Variants in LDHAL6A observed in about 807,000 individuals in gnomAD.
LDHAL6A encodes L-lactate dehydrogenase A-like 6A.
LDHAL6A carries 19 observed loss-of-function variants against 28.2 expected under a neutral mutation model. The observed-to-expected ratio is 0.67, with a 90% CI of 0.47 to 0.99. The LOEUF (loss-of-function observed/expected upper bound fraction) is 0.99. Ranked by LOEUF, LDHAL6A falls within the 50% of genes least tolerant of loss-of-function variation. The pLI, the probability that LDHAL6A is intolerant of heterozygous loss-of-function variation, is 0.00. For synonymous variants in LDHAL6A, 144 were observed against 134.4 expected, an observed-to-expected ratio of 1.07 and a Z score of -0.49; for missense variants, 372 against 398.6, an observed-to-expected ratio of 0.93 and a Z score of 0.57.
At chr11:18,464,977 G>GTTTTTTGTTTTTTTTTTTTTTT (rs1849015131) in intron 2 of LDHAL6A, among the ~76,000 whole-genome samples, 1 of 125,490 alleles carries the variant, frequency 8.0e-6, no homozygotes, top group Non-Finnish European at 1.6e-5. Context: ...TGTTTTTTTT[G>GTTTTTTGTTTTTTTTTTTTTTT]TTTTTTTTTG....
At chr11:18,466,963 A>G (rs1849089867) in intron 3 of LDHAL6A, among the ~76,000 whole-genome samples, 1 of 152,168 alleles carries the variant, frequency 6.6e-6, no homozygotes, top group African/African-American at 2.4e-5. Context: ...AACTGAAGGG[A>G]TGGTAGTTCC....
chr11:18,456,764 T>C lies in LDHAL6A; in HGVS notation c.84T>C (p.Thr28=). The C allele has an allele frequency of 6.2e-7, 1 of 1,614,044 alleles. No individual in the cohort carries two copies. The highest frequency in any genetic ancestry group is 8.5e-7 in the Non-Finnish European group (1 of 1,179,978). Residue 28 remains threonine (T), a synonymous_variant, in exon 1 of 7, where the codon ACT becomes ACC. Coordinates refer to ENST00000280706, the MANE Select transcript of LDHAL6A (RefSeq NM_144972.5). ...ACAATAAGATCTCCATTGTAGGAACTGGATCGGTTGGTGTGGCTTGTGCTA... is the reference window on the plus strand; with the variant it reads ...ACAATAAGATCTCCATTGTAGGAACCGGATCGGTTGGTGTGGCTTGTGCTA... The part of the protein sequence containing the change: ...IHHNKISIVG[T]GSVGVACAIS...
chr11:18,472,369 A>G (rs1401561574), intron 3 of LDHAL6A, among the ~76,000 whole-genome samples: 1 of 152,206 alleles, frequency 6.6e-6, no homozygotes, highest in Non-Finnish European at 1.5e-5. Context: ...TTTCAGTATC[A>G]CTTTTTACCA....
chr11:18,476,603 CA>C lies in LDHAL6A; in HGVS notation c.710+103del. 2.7e-6 allele frequency: 4 copies of C among 1,485,218 alleles called. No individual in the cohort carries two copies. The East Asian group carries it at 9.5e-5, about 35-fold the overall frequency. The allele number at this position is 1,485,218 out of a possible 1,614,324, so 92.0% of individuals were successfully genotyped here. The stretch of plus-strand genomic sequence containing the variant: ...CTTAAATATATGTTGTTGTATTTCC[CA>C]TATTTTTATTTGCACTTCTGCTTTT... On this transcript the variant is annotated intron_variant, in intron 5 of 6. Transcript: ENST00000280706.
At chr11:18,464,177 A>G in intron 2 of LDHAL6A, 99 bp downstream of exon 2, 1 of 816,812 alleles carries the variant, frequency 1.2e-6, no homozygotes, top group Admixed American at 2.0e-5. Flanking sequence ...GTTTTTATAG[A>G]TAAGGCTGGT....
Position 18,475,634 on chromosome 11 carries a change from C to T in LDHAL6A, c.587C>T (p.Ser196Leu), listed in dbSNP as rs762981632. Residue 196 changes from serine to leucine, a missense_variant, in exon 4 of 7, where the codon TCA (serine) becomes TTA (leucine). Coordinates refer to ENST00000280706, the MANE Select transcript of LDHAL6A (RefSeq NM_144972.5). Reference protein sequence around the residue: ...HGLILGEHGDSSVPVWSGVNI... With the variant: ...HGLILGEHGDLSVPVWSGVNI... The stretch of plus-strand genomic sequence containing the variant: ...CTGATCCTTGGAGAGCATGGCGACT[C>T]AAGTGGTAAGCCTGAGGCACGATTG... 5 of 1,612,334 alleles carry T rather than the reference C, an allele frequency of 3.1e-6. No individual in the cohort carries two copies. The South Asian group carries it at 4.4e-5, about 14-fold the overall frequency.
chr11:18,456,968 G>A (rs568690769), intron 1 of LDHAL6A, among the ~76,000 whole-genome samples, 162 bp downstream of exon 1: 23 of 152,196 alleles, frequency 1.5e-4, no homozygotes, highest in Admixed American at 1.0e-3. Flanking sequence ...CCCAGAGGGC[G>A]CTCCTTTTTA....
intron 3 of LDHAL6A, among the ~76,000 whole-genome samples, chr11:18,474,766 G>C (rs148344445): frequency 0.014 from 2,105 of 152,140 alleles, 62 homozygotes; most frequent in African/African-American, 0.048. Context: ...TGAGAGGCTG[G>C]GGCAGGAGGA....
chr11:18,469,729 C>A (rs1849212034), intron 3 of LDHAL6A, among the ~76,000 whole-genome samples: 1 of 152,098 alleles, frequency 6.6e-6, no homozygotes, highest in African/African-American at 2.4e-5. Context: ...AAGTCTTCTC[C>A]ATTATTTTAG....
rs757025046 is a variant in LDHAL6A, at chr11:18,475,455, TTTC to T, written c.419-5_419-3del. On this transcript the variant is annotated splice_polypyrimidine_tract_variant and splice_region_variant and intron_variant, in intron 3 of 6. Transcript: ENST00000280706. ...TGAGGACATTTCTTGATATGAACTTTTTCTTCTTAGTGGATATCTTAACTTATG... is the reference window on the plus strand; with the variant it reads ...TGAGGACATTTCTTGATATGAACTTTTTCTTAGTGGATATCTTAACTTATG... The T allele has an allele frequency of 2.5e-6, 4 of 1,603,430 alleles. No individual in the cohort carries two copies. The highest frequency in any genetic ancestry group is 2.2e-5 in the East Asian group (1 of 44,722).
chr11:18,459,720 C>T (rs1006009393), intron 1 of LDHAL6A, among the ~76,000 whole-genome samples: 1 of 152,128 alleles, frequency 6.6e-6, no homozygotes, highest in East Asian at 1.9e-4. Context: ...TTTACCTGTC[C>T]TTTTTCTGTT....
intron 3 of LDHAL6A, among the ~76,000 whole-genome samples, chr11:18,467,189 C>A (rs1849095862): frequency 6.6e-6 from 1 of 152,156 alleles, no homozygotes; most frequent in Admixed American, 6.5e-5. Context: ...TCTGTGCAGA[C>A]CAACAGTGAG....
intron 1 of LDHAL6A, among the ~76,000 whole-genome samples, chr11:18,459,388 G>C (rs1848839832): frequency 6.6e-6 from 1 of 152,186 alleles, no homozygotes; most frequent in South Asian, 2.1e-4. Context: ...CCAGTGGTTT[G>C]CCAGGGACTC....
rs1565068703 is a variant in LDHAL6A, at chr11:18,464,980, T to TTTTTGTTTTTTTG, written c.245-653_245-652insGTTTTTTTGTTTT. 5.2e-5 allele frequency among the ~76,000 whole-genome samples: 7 copies of TTTTTGTTTTTTTG among 135,882 alleles called. No homozygotes were observed. In the South Asian group the frequency reaches 1.6e-3, roughly 31 times the overall value. The allele number at this position is 135,882 out of a possible 152,430, so 89.1% of individuals were successfully genotyped here. The stretch of plus-strand genomic sequence containing the variant: ...TAGGAGGTGAGGTGTTTTTTTTGTT[T>TTTTTGTTTTTTTG]TTTTTTGTTTTGTTTTGTTTTGGTT... On this transcript the variant is annotated intron_variant, in intron 2 of 6. Coordinates refer to ENST00000280706, the MANE Select transcript of LDHAL6A (RefSeq NM_144972.5).
intron 2 of LDHAL6A, 152 bp from the exon 3 acceptor site, chr11:18,465,485 C>T: frequency 1.2e-5 from 5 of 430,686 alleles, no homozygotes; most frequent in South Asian, 7.5e-5. Context: ...GTGCTAATTT[C>T]CTGAAATTAA....
chr11:18,467,500 T>C (rs952795221), intron 3 of LDHAL6A, among the ~76,000 whole-genome samples: 1 of 152,162 alleles, frequency 6.6e-6, no homozygotes, highest in Non-Finnish European at 1.5e-5. Context: ...TATAAATATG[T>C]TGATTACTGT....
intron 3 of LDHAL6A, among the ~76,000 whole-genome samples, chr11:18,467,976 TATACGTATATATATGC>T (rs1849141914): frequency 2.3e-5 from 1 of 43,874 alleles, no homozygotes; most frequent in Admixed American, 3.2e-4. Context: ...TACGTATATA[TATACGTATATATATGC>T]ATATATATAC....
chr11:18,465,066 G>A (rs1296069252), intron 2 of LDHAL6A, among the ~76,000 whole-genome samples: 3 of 150,192 alleles, frequency 2.0e-5, no homozygotes, highest in Non-Finnish European at 4.4e-5. Context: ...CTGGGCTCGT[G>A]TGTGATCCTC....
At chr11:18,460,594 C>CAAAA (rs34780803) in intron 1 of LDHAL6A, among the ~76,000 whole-genome samples, 3 of 90,322 alleles carry the variant, frequency 3.3e-5, no homozygotes, top group Non-Finnish European at 4.7e-5. Flanking sequence ...AACTCCGTCT[C>CAAAA]AAAAAAAAAA....
Sources: gnomAD v4.1 joint callset for allele counts (sites outside exome capture counted in the v4.1 genomes callset) on GRCh38, gnomAD v4.1.1 for gene constraint, MANE v1.5 for transcripts, NCBI Gene and HGNC (gene_info 2026-07-23, HGNC 2026-07-21) for gene names.